The following ZNF85 variants were observed in gnomAD, a reference collection of about 807,000 sequenced individuals.
ZNF85 encodes zinc finger protein 85 (HPF4, HTF1).
Under a neutral mutation model 53.9 loss-of-function variants are expected in ZNF85, and 50 were observed. The ratio of observed to expected loss-of-function variants is 0.93; its 90% confidence interval spans 0.74 to 1.17. The LOEUF (loss-of-function observed/expected upper bound fraction) is 1.17, where lower values mean the gene tolerates loss of function less well. ZNF85 is among the 50% of genes most tolerant of loss of function. ZNF85 has a pLI of 0.00. For missense variants in ZNF85, 747 were observed against 688.5 expected (o/e 1.08, Z -0.95); for synonymous variants, 225 against 226.1 (o/e 1.00, Z 0.04).
At chr19:20,942,856 GC>G (rs1973329980) in intron 3 of ZNF85, 1 of 698,090 alleles carries the variant, frequency 1.4e-6, no homozygotes, top group African/African-American at 1.8e-5. Context: ...GCCCACTGCA[GC>G]CTCAACCTTC....
chr19:20,945,304 T>C (rs1195097401), intron 3 of ZNF85, among the ~76,000 whole-genome samples: 3 of 152,232 alleles, frequency 2.0e-5, no homozygotes, highest in African/African-American at 7.2e-5. Flanking sequence ...TTTGTAGCAC[T>C]TTCCAAACAC....
At chr19:20,930,818 A>T (rs1168934732) in intron 1 of ZNF85, among the ~76,000 whole-genome samples, 1 of 152,134 alleles carries the variant, frequency 6.6e-6, no homozygotes, top group Non-Finnish European at 1.5e-5. Context: ...TGCTGCCCAG[A>T]CTGGAGTGCA....
chr19:20,925,734 T>A (rs1187438539), intron 1 of ZNF85, among the ~76,000 whole-genome samples: 1 of 152,158 alleles, frequency 6.6e-6, no homozygotes, highest in Admixed American at 6.5e-5. Context: ...TGGGAGAATC[T>A]TTCAAGTGAT....
intron 3 of ZNF85, 60 bp from the exon 4 acceptor site, chr19:20,948,684 G>C: frequency 7.8e-7 from 1 of 1,282,724 alleles, no homozygotes; most frequent in East Asian, 2.3e-5. Flanking sequence ...TATTACATTT[G>C]TAAACTATCT....
intron 1 of ZNF85, among the ~76,000 whole-genome samples, chr19:20,929,910 G>A (rs1972968714): frequency 6.6e-6 from 1 of 152,114 alleles, no homozygotes; most frequent in Non-Finnish European, 1.5e-5. Context: ...CATAAGGTCA[G>A]GAGTTCGAGA....
chr19:20,924,896 CTT>C (rs1025405937), intron 1 of ZNF85, among the ~76,000 whole-genome samples: 3 of 152,106 alleles, frequency 2.0e-5, no homozygotes, highest in African/African-American at 7.2e-5. Context: ...CGTTTGGAGA[CTT>C]TATGGTGTGA....
chr19:20,935,502 T>TTAC (rs1213664144), intron 3 of ZNF85, among the ~76,000 whole-genome samples: 1 of 152,234 alleles, frequency 6.6e-6, no homozygotes, highest in Non-Finnish European at 1.5e-5. Context: ...CCTGTTTGTA[T>TTAC]TACTACATTC....
At position 20,946,910 on chromosome 19, in the gene ZNF85, T is replaced by A. The variant is rs116242360; in HGVS notation, c.230-1834T>A. Among the ~76,000 whole-genome samples the A allele has an allele frequency of 1.7e-3, 260 of 152,000 alleles. 2 individuals carry two copies. The highest frequency in any genetic ancestry group is 5.8e-3 in the African/African-American group (241 of 41,512). On this transcript the variant is annotated intron_variant, in intron 3 of 3. Coordinates refer to ENST00000328178, the MANE Select transcript of ZNF85 (RefSeq NM_003429.5). Reference sequence around the variant, plus strand: ...AATAAATCCCTTTATTGAAAGTATGTCTTTTAATTAAAAAGTTAACTTTAT... The same window carrying A: ...AATAAATCCCTTTATTGAAAGTATGACTTTTAATTAAAAAGTTAACTTTAT...
rs1464204273 is a variant in ZNF85, at chr19:20,950,311, G to A, written c.*9G>A. On this transcript the variant is annotated 3_prime_UTR_variant, in exon 4 of 4. Coordinates refer to ENST00000328178, the MANE Select transcript of ZNF85 (RefSeq NM_003429.5). ...AAAAATTACAAATATGAAAATTATG[G>A]CAAAGCTTTAATCAATTTACAAGTC... 1 of 1,501,612 alleles carries A rather than the reference G, an allele frequency of 6.7e-7. No individual in the cohort carries two copies. The highest frequency in any genetic ancestry group is 8.9e-7 in the Non-Finnish European group (1 of 1,124,836). The allele number at this position is 1,501,612 out of a possible 1,614,324, so 93.0% of individuals were successfully genotyped here.
intron 1 of ZNF85, among the ~76,000 whole-genome samples, chr19:20,925,374 T>C (rs1337670248): frequency 6.6e-6 from 1 of 151,454 alleles, no homozygotes; most frequent in African/African-American, 2.4e-5. Context: ...GAAGAATTAC[T>C]TGAACCCGGG....
At chr19:20,937,180 C>T (rs756726813) in intron 3 of ZNF85, 1 of 363,408 alleles carries the variant, frequency 2.8e-6, no homozygotes, top group South Asian at 2.1e-5. Context: ...TAAAGCCGTG[C>T]ACCACAACGT....
intron 3 of ZNF85, among the ~76,000 whole-genome samples, chr19:20,940,565 A>AC (rs1973272420): frequency 1.3e-5 from 2 of 152,088 alleles, no homozygotes; most frequent in Non-Finnish European, 2.9e-5. Flanking sequence ...ATATTTCAGG[A>AC]ATGTTAAGTA....
rs772399690 is a variant in ZNF85 at position 20,949,031 on chromosome 19, C to T, written c.517C>T (p.Pro173Ser). The change falls in exon 4 of 4, where the codon CCT (proline) becomes TCT (serine). Residue 173 changes from proline to serine, a missense_variant. Transcript: ENST00000328178. ...RHEIRHTKKK[P>S]FKCTKCGKSF... ...TGAGATAAGACATACTAAAAAGAAACCTTTCAAATGTACAAAATGTGGCAA... is the reference window on the plus strand; with the variant it reads ...TGAGATAAGACATACTAAAAAGAAATCTTTCAAATGTACAAAATGTGGCAA... 4.3e-6 allele frequency: 7 copies of T among 1,613,664 alleles called. No individual in the cohort carries two copies. The highest frequency in any genetic ancestry group is 2.2e-5 in the East Asian group (1 of 44,866).
chr19:20,937,128 G>A (rs763636939), intron 3 of ZNF85: 23 of 282,290 alleles, frequency 8.1e-5, no homozygotes, highest in Middle Eastern at 1.3e-3. Flanking sequence ...CGCCTCCTGC[G>A]TTCAAGTATT....
At chr19:20,935,407 G>A (rs181931982) in intron 3 of ZNF85, among the ~76,000 whole-genome samples, 1 of 152,166 alleles carries the variant, frequency 6.6e-6, no homozygotes, top group African/African-American at 2.4e-5. Flanking sequence ...ATTTTTAATT[G>A]TATTTTTGCA....
chr19:20,934,370 C>T lies in ZNF85; in HGVS notation c.130+220C>T, dbSNP rs576115760. On this transcript the variant is annotated intron_variant, in intron 2 of 3. Coordinates refer to ENST00000328178, the MANE Select transcript of ZNF85 (RefSeq NM_003429.5). ...TTTCTGAGCTGATCTGTATCCTTCA[C>T]TGTAGATTACTAAATTCCACAAATT... 1.1e-4 allele frequency among the ~76,000 whole-genome samples: 16 copies of T among 152,296 alleles called. No homozygotes were observed. In the South Asian group the frequency reaches 1.9e-3, roughly 18 times the overall value.
intron 3 of ZNF85, among the ~76,000 whole-genome samples, chr19:20,941,272 TC>T (rs1252970527): frequency 2.0e-5 from 3 of 151,804 alleles, no homozygotes; most frequent in African/African-American, 7.3e-5. Context: ...CTTTCTTCCC[TC>T]CCCCCACTCT....
intron 1 of ZNF85, among the ~76,000 whole-genome samples, chr19:20,932,111 G>C (rs1973037402): frequency 6.6e-6 from 1 of 152,196 alleles, no homozygotes; most frequent in South Asian, 2.1e-4. Context: ...GGTAGCAGAT[G>C]AGCAGTTGAT....
intron 3 of ZNF85, among the ~76,000 whole-genome samples, chr19:20,948,029 C>T (rs1306349726): frequency 6.6e-6 from 1 of 151,894 alleles, no homozygotes; most frequent in Non-Finnish European, 1.5e-5. Context: ...AAAAACAAAC[C>T]ACCTGTAACA....
Sources: gnomAD v4.1 joint callset for allele counts (sites outside exome capture counted in the v4.1 genomes callset) on GRCh38, gnomAD v4.1.1 for gene constraint, MANE v1.5 for transcripts, NCBI Gene and HGNC (gene_info 2026-07-23, HGNC 2026-07-21) for gene names.